The following GRID2 variants were observed in gnomAD, a reference collection of about 807,000 sequenced individuals.
The protein encoded by GRID2 is glutamate receptor ionotropic, delta-2.
In GRID2, 33 loss-of-function variants were observed where a neutral mutation model predicts 114.8. The ratio of observed to expected loss-of-function variants is 0.29; its 90% CI spans 0.22 to 0.38. The LOEUF (loss-of-function observed/expected upper bound fraction) is 0.38. Among genes scored for constraint, GRID2 ranks in the 10% least tolerant of loss-of-function variants. GRID2 has a pLI of 1.00. For synonymous variants in GRID2, 505 were observed against 449.9 expected (o/e 1.12, Z -1.55); for missense variants, 1,184 against 1,257.7 (o/e 0.94, Z 0.89).
Position 92,530,508 on chromosome 4 carries a change from GAA to G in GRID2, c.89-59607_89-59606del, listed in dbSNP as rs70942906. Among the ~76,000 whole-genome samples, 610 of 107,224 alleles carry G rather than the reference GAA, an allele frequency of 5.7e-3. 4 individuals carry two copies. The highest frequency in any genetic ancestry group is 0.017 in the African/African-American group (513 of 29,672). 70.3% of individuals were successfully genotyped at this position (107,224 alleles called of 152,430 possible). A position where few individuals can be genotyped will look rare whatever the true frequency, so the allele number is the denominator to read the frequency against. On this transcript the variant is annotated intron_variant, in intron 1 of 15. Transcript: ENST00000282020. ...CACAAAAAAGTGAGTGACTAGTACA[GAA>G]AAAAAAAAAAAAAAAGAGAGACTTC...
intron 2 of GRID2, among the ~76,000 whole-genome samples, chr4:92,883,091 C>T (rs573718046): frequency 7.4e-4 from 113 of 152,330 alleles, no homozygotes; most frequent in African/African-American, 2.7e-3. Context: ...TCCGTAATTA[C>T]AGTCAGTCCT....
rs142713644 is a variant in GRID2, at chr4:93,189,036, C to T, written c.736-18368C>T. 6.1e-3 allele frequency among the ~76,000 whole-genome samples: 921 copies of T among 152,154 alleles called. 8 individuals carry two copies. Among genetic ancestry groups the T allele is most frequent in the African/African-American group, 0.021 (874 of 41,510 alleles). On this transcript the variant is annotated intron_variant, in intron 4 of 15. Transcript: ENST00000282020. ...TCTTCTTCAGAGCCCTCAAAATAACCCCATTTTATGGTAAATTCATAGCTT... is the reference window on the plus strand; with the variant it reads ...TCTTCTTCAGAGCCCTCAAAATAACTCCATTTTATGGTAAATTCATAGCTT...
At chr4:93,447,604 T>A (rs538428758) in intron 10 of GRID2, among the ~76,000 whole-genome samples, 2 of 151,930 alleles carry the variant, frequency 1.3e-5, no homozygotes, top group African/African-American at 4.8e-5. Context: ...ATCATTAAAA[T>A]TGACCCAAGA....
intron 1 of GRID2, among the ~76,000 whole-genome samples, chr4:92,385,902 A>G (rs10023149): frequency 0.062 from 2,425 of 38,910 alleles, 39 homozygotes; most frequent in African/African-American, 0.16. Flanking sequence ...GTGTGTGTGT[A>G]TATATATATA....
At chr4:92,914,107 T>C (rs1321835916) in intron 2 of GRID2, among the ~76,000 whole-genome samples, 2 of 152,080 alleles carry the variant, frequency 1.3e-5, no homozygotes, top group Non-Finnish European at 1.5e-5. Flanking sequence ...CGATCTTTGG[T>C]TTATTTTAGC....
At chr4:92,624,871 G>A (rs1342837892) in intron 2 of GRID2, among the ~76,000 whole-genome samples, 1 of 151,616 alleles carries the variant, frequency 6.6e-6, no homozygotes, top group Non-Finnish European at 1.5e-5. Context: ...AATCTGAAAG[G>A]TTAAAAAAGA....
intron 2 of GRID2, among the ~76,000 whole-genome samples, chr4:92,675,016 A>G (rs6847540): frequency 0.061 from 9,283 of 152,122 alleles, 341 homozygotes; most frequent in East Asian, 0.16. Context: ...TATATCACAC[A>G]TTGTTGGGGC....
At chr4:92,953,485 T>G (rs1012692246) in intron 2 of GRID2, among the ~76,000 whole-genome samples, 7 of 152,202 alleles carry the variant, frequency 4.6e-5, no homozygotes, top group Admixed American at 3.9e-4. Flanking sequence ...ATCTCACTAT[T>G]TCTGTGTCAC....
intron 1 of GRID2, among the ~76,000 whole-genome samples, chr4:92,480,046 C>T (rs536145399): frequency 4.1e-4 from 63 of 152,022 alleles, no homozygotes; most frequent in Non-Finnish European, 8.1e-4. Context: ...TATTTTGGAA[C>T]ATGTTTTCCC....
chr4:93,547,979 C>A (rs1448746389), intron 13 of GRID2, among the ~76,000 whole-genome samples: 1 of 152,114 alleles, frequency 6.6e-6, no homozygotes, highest in Non-Finnish European at 1.5e-5. Flanking sequence ...GAGTTCCAGA[C>A]CAGCCTGACC....
At chr4:92,524,611 CT>C (rs1361880246) in intron 1 of GRID2, among the ~76,000 whole-genome samples, 1 of 151,768 alleles carries the variant, frequency 6.6e-6, no homozygotes, top group East Asian at 1.9e-4. Context: ...ATCCAGGGTA[CT>C]TTCCCTATCT....
chr4:92,384,574 TAA>T (rs33981822), intron 1 of GRID2, among the ~76,000 whole-genome samples: 16,160 of 65,110 alleles, frequency 0.25, 2,936 homozygotes, highest in East Asian at 0.68. Flanking sequence ...ATATAATATA[TAA>T]AATATATTAT....
At chr4:93,364,696 C>A (rs1012146385) in intron 8 of GRID2, among the ~76,000 whole-genome samples, 1 of 152,010 alleles carries the variant, frequency 6.6e-6, no homozygotes. Context: ...CCAAACTAGT[C>A]TTGAATTTGG....
At chr4:93,603,419 G>T (rs1341780394) in intron 13 of GRID2, among the ~76,000 whole-genome samples, 4 of 152,114 alleles carry the variant, frequency 2.6e-5, no homozygotes, top group Non-Finnish European at 5.9e-5. Flanking sequence ...AAATTTAGAA[G>T]ATAAGAGCTT....
At chr4:92,533,891 GATTCTATAGATTTAATCTATA>G (rs1261383047) in intron 1 of GRID2, among the ~76,000 whole-genome samples, 9 of 151,686 alleles carry the variant, frequency 5.9e-5, no homozygotes, top group South Asian at 2.1e-4. Context: ...GTTAGCTGTA[GATTCTATAGATTTAATCTATA>G]ATTCTATAGA....
At chr4:93,514,446 C>CACACAT (rs942017812) in intron 12 of GRID2, among the ~76,000 whole-genome samples, 1 of 151,778 alleles carries the variant, frequency 6.6e-6, no homozygotes, top group Non-Finnish European at 1.5e-5. Flanking sequence ...CACACACACA[C>CACACAT]ACACACACAC....
chr4:93,393,781 AGT>A (rs1765074527), intron 8 of GRID2, among the ~76,000 whole-genome samples: 1 of 152,060 alleles, frequency 6.6e-6, no homozygotes, highest in African/African-American at 2.4e-5. Context: ...AAAATGGTAC[AGT>A]CAAGTTGGTG....
intron 2 of GRID2, among the ~76,000 whole-genome samples, chr4:92,993,661 A>T (rs1755037491): frequency 6.6e-6 from 1 of 152,184 alleles, no homozygotes; most frequent in Admixed American, 6.5e-5. Flanking sequence ...TGACTGACCC[A>T]TTGTTTCCAC....
intron 2 of GRID2, among the ~76,000 whole-genome samples, chr4:92,661,444 T>G (rs1028812523): frequency 6.6e-6 from 1 of 150,932 alleles, no homozygotes; most frequent in Non-Finnish European, 1.5e-5. Context: ...ACCATAAGTT[T>G]TAGTGTGGAA....
Sources: gnomAD v4.1 joint callset for allele counts (sites outside exome capture counted in the v4.1 genomes callset) on GRCh38, gnomAD v4.1.1 for gene constraint, MANE v1.5 for transcripts, NCBI Gene and HGNC (gene_info 2026-07-23, HGNC 2026-07-21) for gene names.